RRM2: variants seen among roughly 807,000 people sequenced by gnomAD.
RRM2 encodes the protein ribonucleoside-diphosphate reductase subunit M2.
In RRM2, 6 loss-of-function variants were observed where a neutral mutation model predicts 45.9. The ratio of observed to expected loss-of-function variants is 0.13; its 90% confidence interval spans 0.07 to 0.26. The LOEUF (loss-of-function observed/expected upper bound fraction) is 0.26. Among genes scored for constraint, RRM2 ranks in the 10% least tolerant of loss-of-function variants. The probability of loss-of-function intolerance (pLI) is 1.00; values close to 1 mark genes in which losing one functional copy is unlikely to be tolerated. For missense variants in RRM2, 343 were observed against 489.5 expected, an observed-to-expected ratio of 0.70 and a Z score of 2.82; for synonymous variants, 177 against 173.0, an observed-to-expected ratio of 1.02 and a Z score of -0.18.
intron 3 of RRM2, chr2:10,155,713 C>T (rs1663408826): frequency 6.6e-6 from 1 of 152,312 alleles, no homozygotes; most frequent in Non-Finnish European, 1.5e-5. Context: ...CTGGGCCTGA[C>T]CTGGGAGACA....
At chr2:10,210,322 C>G in exon 4 of RRM2, 1 of 1,367,278 alleles carries the variant, frequency 7.3e-7, no homozygotes, top group African/African-American at 1.5e-5. Context: ...CTTCCAGGAT[C>G]TCAACCAGTT....
At chr2:10,196,980 G>C (rs912939311) in intron 3 of RRM2, among the ~76,000 whole-genome samples, 1 of 152,204 alleles carries the variant, frequency 6.6e-6, no homozygotes, top group Admixed American at 6.5e-5. Context: ...GCCTGAGAAG[G>C]GGCTCTGGGG....
chr2:10,138,845 C>T (rs1457442981), upstream of RRM2, among the ~76,000 whole-genome samples: 1 of 152,108 alleles, frequency 6.6e-6, no homozygotes, highest in South Asian at 2.1e-4. Flanking sequence ...TGGTGGCTCA[C>T]GCCTGTAATC....
At chr2:10,160,973 G>A (rs1472914465) in intron 3 of RRM2, among the ~76,000 whole-genome samples, 2 of 152,320 alleles carry the variant, frequency 1.3e-5, no homozygotes, top group South Asian at 2.1e-4. Flanking sequence ...CTAGCTGGTC[G>A]CTCCGTCCTT....
At chr2:10,192,453 G>A (rs1572528767) in intron 3 of RRM2, among the ~76,000 whole-genome samples, 1 of 152,316 alleles carries the variant, frequency 6.6e-6, no homozygotes, top group Middle Eastern at 3.4e-3. Flanking sequence ...AACACACTTT[G>A]GGAAGCCTTC....
At chr2:10,157,576 A>G (rs1053663977) in intron 3 of RRM2, among the ~76,000 whole-genome samples, 8 of 152,160 alleles carry the variant, frequency 5.3e-5, no homozygotes, top group African/African-American at 1.7e-4. Context: ...CTTTATGCAG[A>G]CAGGATCAAG....
chr2:10,193,309 G>A (rs573197893), intron 3 of RRM2, among the ~76,000 whole-genome samples: 10 of 152,276 alleles, frequency 6.6e-5, no homozygotes, highest in South Asian at 4.1e-4. Flanking sequence ...GCCTCCTCCC[G>A]GAGCTGCTGC....
At chr2:10,161,015 G>A (rs1290447379) in intron 3 of RRM2, among the ~76,000 whole-genome samples, 1 of 152,198 alleles carries the variant, frequency 6.6e-6, no homozygotes, top group Non-Finnish European at 1.5e-5. Flanking sequence ...TGCAGAAAGC[G>A]TGGTCTGAGC....
chr2:10,122,810 C>T lies in RRM2; in HGVS notation c.12C>T (p.Leu4=), dbSNP rs1181702397. The part of the protein sequence containing the change: MLS[L]RVPLAPITDP... ...GCTGCGCCTCCACTATGCTCTCCCT[C>T]CGTGTCCCGCTCGCGCCCATCACGG... Residue 4 remains leucine, a synonymous_variant, in exon 1 of 10, where the codon CTC becomes CTT. Coordinates refer to ENST00000304567, the MANE Select transcript of RRM2 (RefSeq NM_001034.4). 1 of 1,593,454 alleles carries T rather than the reference C, an allele frequency of 6.3e-7. No individual in the cohort carries two copies. Among genetic ancestry groups the T allele is most frequent in the South Asian group, 1.1e-5 (1 of 87,562 alleles).
chr2:10,167,891 C>T (rs756241377), intron 3 of RRM2, among the ~76,000 whole-genome samples: 7 of 152,130 alleles, frequency 4.6e-5, no homozygotes, highest in East Asian at 1.9e-4. Context: ...AATTGTCTCC[C>T]GGGCTTTCTT....
rs1414950809 is a variant in RRM2 at position 10,165,411 on chromosome 2, G to A, written n.482+23036G>A. ...TGGGGACCTCCCATTAGTGGGCTCC[G>A]TAGCTGACGGTCCCAGGACAGGGGC... On this transcript the variant is annotated intron_variant and non_coding_transcript_variant, in intron 3 of 3. Transcript: ENST00000381786. Among the ~76,000 whole-genome samples the A allele has an allele frequency of 3.9e-5, 6 of 152,330 alleles. No homozygotes were observed. In the East Asian group the frequency reaches 5.8e-4, roughly 15 times the overall value.
At chr2:10,154,277 C>T (rs1013679958) in intron 3 of RRM2, among the ~76,000 whole-genome samples, 2 of 152,124 alleles carry the variant, frequency 1.3e-5, no homozygotes, top group African/African-American at 4.8e-5. Context: ...GGTTCTAGAC[C>T]AGCCTGGCCA....
rs989445839 is a variant in RRM2, at chr2:10,205,655, C to T, written n.483-4656C>T. 6.6e-6 allele frequency among the ~76,000 whole-genome samples: 1 copy of T among 152,146 alleles called. No homozygotes were observed. Among genetic ancestry groups the T allele is most frequent in the Non-Finnish European group, 1.5e-5 (1 of 68,020 alleles). On this transcript the variant is annotated intron_variant and non_coding_transcript_variant, in intron 3 of 3. Coordinates refer to the RRM2 transcript ENST00000381786. This position sits in a 1 kb window ranked among gnomAD's most constrained non-coding sequence, Gnocchi z 4.8. ...AGAGATGCTGGATGGAAAACAAACACACAGTTTGAGAGGGTCCTTTTTATT... is the reference window on the plus strand; with the variant it reads ...AGAGATGCTGGATGGAAAACAAACATACAGTTTGAGAGGGTCCTTTTTATT...
At chr2:10,140,411 G>A (rs1204064558), upstream of RRM2, among the ~76,000 whole-genome samples, 1 of 152,206 alleles carries the variant, frequency 6.6e-6, no homozygotes. Context: ...GACTGGAATA[G>A]CTGCTGTGGT....
intron 3 of RRM2, chr2:10,210,241 T>G (rs1259427363): frequency 1.9e-6 from 2 of 1,078,832 alleles, no homozygotes; most frequent in African/African-American, 3.2e-5. Context: ...AGTATGTGTT[T>G]GGTGAATTTG....
At chr2:10,170,071 C>T (rs1213247843) in intron 3 of RRM2, among the ~76,000 whole-genome samples, 1 of 152,198 alleles carries the variant, frequency 6.6e-6, no homozygotes, top group Non-Finnish European at 1.5e-5. Context: ...GGGGCTCAGG[C>T]TTTCCAGAGA....
chr2:10,188,817 G>A (rs994855519), intron 3 of RRM2, among the ~76,000 whole-genome samples: 2 of 152,204 alleles, frequency 1.3e-5, no homozygotes, highest in African/African-American at 2.4e-5. Context: ...GGAAGAGGGC[G>A]CTGCGGAGAG....
At position 10,186,479 on chromosome 2, in the gene RRM2, G is replaced by A. The variant is rs114219172; in HGVS notation, n.483-23832G>A. Among the ~76,000 whole-genome samples, 898 of 152,216 alleles carry A rather than the reference G, an allele frequency of 5.9e-3. 10 individuals are homozygous for A. The highest frequency in any genetic ancestry group is 0.02 in the African/African-American group (850 of 41,534). On this transcript the variant is annotated intron_variant and non_coding_transcript_variant, in intron 3 of 3. Coordinates refer to the RRM2 transcript ENST00000381786. ...CAGCAGTGGTTTTCAAACTGGTTTC[G>A]GAAGCAGATTCATTCTTTTCCTAGC... is the stretch of plus-strand genomic sequence containing the variant.
At chr2:10,141,189 C>T (rs1349984614), upstream of RRM2, among the ~76,000 whole-genome samples, 3 of 152,284 alleles carry the variant, frequency 2.0e-5, no homozygotes, top group Admixed American at 1.3e-4. Context: ...GGGGGCCATT[C>T]TGAGTTCAGA....
Sources: allele counts gnomAD v4.1 joint callset (sites outside exome capture counted in the v4.1 genomes callset), GRCh38; gene constraint gnomAD v4.1.1; non-coding constraint Gnocchi (gnomAD v3.1); transcripts MANE v1.5; gene names NCBI Gene and HGNC (gene_info 2026-07-23, HGNC 2026-07-21).